CLRN2: variants seen among roughly 807,000 people sequenced by gnomAD.
CLRN2 encodes clarin-2.
CLRN2 carries 17 observed loss-of-function variants against 20.1 expected under a neutral mutation model. The observed-to-expected ratio is 0.85, with a 90% CI of 0.58 to 1.27. The LOEUF is 1.27. Among genes scored for constraint, CLRN2 ranks in the 50% most tolerant of loss-of-function variants. The probability of loss-of-function intolerance (pLI) is 0.00; values close to 1 mark genes in which losing one functional copy is unlikely to be tolerated. For missense variants in CLRN2, 288 were observed against 299.5 expected (o/e 0.96, Z 0.28); for synonymous variants, 140 against 126.9 (o/e 1.10, Z -0.70).
chr4:17,520,571 C>G (rs1202810819), intron 1 of CLRN2, among the ~76,000 whole-genome samples: 3 of 152,228 alleles, frequency 2.0e-5, no homozygotes, highest in African/African-American at 7.2e-5. Context: ...TTGAGAGTGC[C>G]TCTTCCTTAC....
rs75365672 is a variant in CLRN2 at position 17,522,013 on chromosome 4, C to T, written c.254-851C>T. Among the ~76,000 whole-genome samples the T allele has an allele frequency of 6.1e-3, 930 of 152,300 alleles. 23 individuals carry two copies. The East Asian group carries it at 0.075, about 12-fold the overall frequency. On this transcript the variant is annotated intron_variant, in intron 1 of 2. Coordinates refer to ENST00000511148, the MANE Select transcript of CLRN2 (RefSeq NM_001079827.2). ...GCTCTTTCAGGGTCACATTTGTTCT[C>T]ATAGTATATTGAACTATAATCTTAT...
At position 17,515,339 on chromosome 4, in the gene CLRN2, A is replaced by C; in HGVS notation, c.73A>C (p.Ile25Leu). 6.2e-7 allele frequency: 1 copy of C among 1,614,012 alleles called. No homozygotes were observed. Among genetic ancestry groups the C allele is most frequent in the East Asian group, 2.2e-5 (1 of 44,888 alleles). Reference protein sequence around the residue: ...LLSFSSFILIIVALVVPHWLS... With the variant: ...LLSFSSFILILVALVVPHWLS... ...CAGCTTCTCCTCCTTCATCCTGATC[A>C]TCGTTGCCCTGGTAGTGCCCCACTG... Residue 25 changes from isoleucine to leucine, a missense_variant, in exon 1 of 3, where the codon ATC (isoleucine) becomes CTC (leucine). Coordinates refer to ENST00000511148, the MANE Select transcript of CLRN2 (RefSeq NM_001079827.2).
Position 17,526,892 on chromosome 4 carries a change from A to G in CLRN2, c.509A>G (p.Asn170Ser), listed in dbSNP as rs1343778156. Residue 170 changes from asparagine to serine, a missense_variant, in exon 3 of 3, where the codon AAC (asparagine) becomes AGC (serine). By Grantham distance (46) the Asn-to-Ser change is conservative (BLOSUM62 1). Coordinates refer to ENST00000511148, the MANE Select transcript of CLRN2 (RefSeq NM_001079827.2). ...KFHDLTERIANFQEKLFQFVV... is the reference protein window; with the variant it reads ...KFHDLTERIASFQEKLFQFVV... ...CACGACCTGACGGAACGAATCGCCA[A>G]CTTTCAGGAGAAGCTCTTCCAGTTT... 3 of 1,614,032 alleles carry G rather than the reference A, an allele frequency of 1.9e-6. No individual in the cohort carries two copies. The highest frequency in any genetic ancestry group is 2.5e-6 in the Non-Finnish European group (3 of 1,179,902).
chr4:17,519,824 C>T (rs1711790621), intron 1 of CLRN2, among the ~76,000 whole-genome samples: 1 of 152,156 alleles, frequency 6.6e-6, no homozygotes, highest in Non-Finnish European at 1.5e-5. Context: ...AGAACTGGTG[C>T]ATTAACACTC....
At chr4:17,519,566 C>T (rs750145359) in intron 1 of CLRN2, among the ~76,000 whole-genome samples, 8 of 151,992 alleles carry the variant, frequency 5.3e-5, no homozygotes, top group Non-Finnish European at 1.0e-4. Flanking sequence ...GCCACCGGCA[C>T]ATAGTCTGCA....
At chr4:17,521,193 A>G (rs1234884113) in intron 1 of CLRN2, among the ~76,000 whole-genome samples, 1 of 152,198 alleles carries the variant, frequency 6.6e-6, no homozygotes, top group Non-Finnish European at 1.5e-5. Context: ...CTTCCAGGGT[A>G]AAGTTTCCAA....
intron 1 of CLRN2, among the ~76,000 whole-genome samples, chr4:17,521,342 C>G (rs778685480): frequency 6.6e-6 from 1 of 152,218 alleles, no homozygotes; most frequent in Non-Finnish European, 1.5e-5. Flanking sequence ...AACAAAAACT[C>G]TAGTTCTCAG....
At chr4:17,521,804 A>C (rs1294176642) in intron 1 of CLRN2, among the ~76,000 whole-genome samples, 13 of 152,232 alleles carry the variant, frequency 8.5e-5, no homozygotes, top group African/African-American at 3.1e-4. Context: ...TAGCTGGTAC[A>C]GCTGAGCCCC....
intron 1 of CLRN2, among the ~76,000 whole-genome samples, chr4:17,519,292 C>T (rs144163518): frequency 6.6e-6 from 1 of 152,320 alleles, no homozygotes; most frequent in East Asian, 1.9e-4. Flanking sequence ...TGAGTTGCCT[C>T]TAATGTGTAG....
At position 17,522,993 on chromosome 4, in the gene CLRN2, A is replaced by T; in HGVS notation, c.383A>T (p.Tyr128Phe). 6.2e-7 allele frequency: 1 copy of T among 1,613,742 alleles called. No individual in the cohort carries two copies. Among genetic ancestry groups the T allele is most frequent in the Non-Finnish European group, 8.5e-7 (1 of 1,179,878 alleles). ...ATTCTTAACATGATCCAGGTCCCGT[A>T]CCGGGCAGTCAGCGGTCCTGGGGGC... is the stretch of plus-strand genomic sequence containing the variant. Reference protein sequence around the residue: ...FAILNMIQVPYRAVSGPGGIC... With the variant: ...FAILNMIQVPFRAVSGPGGIC... Residue 128 changes from tyrosine to phenylalanine, a missense_variant, in exon 2 of 3, where the codon TAC becomes TTC. Transcript: ENST00000511148.
Position 17,524,756 on chromosome 4 carries a change from TA to T in CLRN2, c.433+1728del, listed in dbSNP as rs34927520. ...GGGCAACACAGCAAGACCCCATTTC[TA>T]AAAAAAAAAAAAAATTAGCTGTCCA... On this transcript the variant is annotated intron_variant, in intron 2 of 2. Transcript: ENST00000511148. Among the ~76,000 whole-genome samples, 902 of 142,596 alleles carry T rather than the reference TA, an allele frequency of 6.3e-3. 4 individuals are homozygous for T. The highest frequency in any genetic ancestry group is 9.9e-3 in the Non-Finnish European group (644 of 65,132). The allele number at this position is 142,596 out of a possible 152,430, so 93.5% of individuals were successfully genotyped here. A position where few individuals can be genotyped will look rare whatever the true frequency, so the allele number is the denominator to read the frequency against.
At position 17,522,895 on chromosome 4, in the gene CLRN2, A is replaced by ATGTGT. The variant is rs1711867306; in HGVS notation, c.285_286insTGTGT (p.Gly96CysfsTer6). 3.7e-6 allele frequency: 6 copies of ATGTGT among 1,613,946 alleles called. No homozygotes were observed. In the South Asian group the frequency reaches 6.6e-5, roughly 18 times the overall value. ...CACACCTGGTGAAGGAGCTCAACGC[A>ATGTGT]GGCCTTCATGTGATGATTCTGCTGC... On this transcript the variant is annotated frameshift_variant, in exon 2 of 3. Transcript: ENST00000511148. LOFTEE classifies it high-confidence loss of function.
intron 1 of CLRN2, among the ~76,000 whole-genome samples, chr4:17,519,433 A>C (rs934594504): frequency 6.6e-6 from 1 of 152,220 alleles, no homozygotes; most frequent in Non-Finnish European, 1.5e-5. Flanking sequence ...AGAGTAGTTA[A>C]GCTGACACTT....
In CLRN2 at chr4:17,515,211, TGTC is replaced by T; in HGVS notation, c.-55_-53del. 1 of 1,589,756 alleles carries T rather than the reference TGTC, an allele frequency of 6.3e-7. No individual in the cohort carries two copies. Among genetic ancestry groups the T allele is most frequent in the South Asian group, 1.1e-5 (1 of 87,894 alleles). ...AGAGCATTGCCGAGTATCTGAAAGA[TGTC>T]AATGACCCTCGCTGCTGCTCGGAGA... On this transcript the variant is annotated 5_prime_UTR_variant, in exon 1 of 3. An upstream start codon of the reference 5' UTR is lost. Coordinates refer to ENST00000511148, the MANE Select transcript of CLRN2 (RefSeq NM_001079827.2).
intron 2 of CLRN2, among the ~76,000 whole-genome samples, chr4:17,525,632 A>G (rs1235524803): frequency 6.6e-6 from 1 of 152,190 alleles, no homozygotes; most frequent in Non-Finnish European, 1.5e-5. Flanking sequence ...CCTGGGTGAC[A>G]GAGCAAGACC....
chr4:17,525,596 G>A (rs912237487), intron 2 of CLRN2, among the ~76,000 whole-genome samples: 11 of 152,072 alleles, frequency 7.2e-5, no homozygotes, highest in Admixed American at 5.2e-4. Context: ...GCTGCAGTGA[G>A]CCGTGATCAT....
intron 2 of CLRN2, 129 bp from the exon 3 acceptor site, chr4:17,526,688 A>G (rs1560324267): frequency 1.8e-6 from 2 of 1,085,250 alleles, no homozygotes; most frequent in South Asian, 1.6e-5. Flanking sequence ...TTAAAAGCAA[A>G]TTAAAACTTA....
rs1711626485 is a variant in CLRN2 at position 17,515,212 on chromosome 4, G to A, written c.-55G>A. The A allele has an allele frequency of 6.3e-7, 1 of 1,592,266 alleles. No individual in the cohort carries two copies. The highest frequency in any genetic ancestry group is 8.6e-7 in the Non-Finnish European group (1 of 1,168,116). ...GAGCATTGCCGAGTATCTGAAAGAT[G>A]TCAATGACCCTCGCTGCTGCTCGGA... On this transcript the variant is annotated 5_prime_UTR_variant, in exon 1 of 3. An upstream start codon of the reference 5' UTR is lost. Transcript: ENST00000511148.
intron 1 of CLRN2, among the ~76,000 whole-genome samples, chr4:17,520,695 A>C (rs1711817981): frequency 6.6e-6 from 1 of 152,196 alleles, no homozygotes; most frequent in Non-Finnish European, 1.5e-5. Context: ...GTGTGTCCTA[A>C]GGATTGCCTG....
Sources: allele counts gnomAD v4.1 joint callset (sites outside exome capture counted in the v4.1 genomes callset), GRCh38; gene constraint gnomAD v4.1.1; transcripts MANE v1.5; gene names NCBI Gene and HGNC (gene_info 2026-07-23, HGNC 2026-07-21).